The following OSMR variants were observed in gnomAD, a reference collection of about 807,000 sequenced individuals.
The protein encoded by OSMR is oncostatin M receptor.
Under a neutral mutation model 99.9 loss-of-function variants are expected in OSMR, and 81 were observed. The ratio of observed to expected loss-of-function variants is 0.81; its 90% CI spans 0.68 to 0.97. OSMR has a LOEUF of 0.97. Among genes scored for constraint, OSMR ranks in the 50% least tolerant of loss-of-function variants. The probability of loss-of-function intolerance (pLI) is 0.00; values close to 1 mark genes in which losing one functional copy is unlikely to be tolerated. For missense variants in OSMR, 1,099 were observed against 1,153.4 expected (o/e 0.95, Z 0.68); for synonymous variants, 406 against 410.4 (o/e 0.99, Z 0.13).
chr5:38,865,413 T>C (rs527557749), intron 1 of OSMR, among the ~76,000 whole-genome samples: 1 of 152,386 alleles, frequency 6.6e-6, no homozygotes, highest in Admixed American at 6.5e-5. Flanking sequence ...TTCCTATAGC[T>C]GTATCAATAG....
chr5:38,921,600 T>C lies in OSMR; in HGVS notation c.1586-15T>C. 6.2e-7 allele frequency: 1 copy of C among 1,614,092 alleles called. No individual in the cohort carries two copies. The highest frequency in any genetic ancestry group is 2.2e-5 in the East Asian group (1 of 44,880). ...TAATTAAATCTGGAGCATTGCTCTA[T>C]TTGTTTATATACAGAAGAGGTTGAG... On this transcript the variant is annotated splice_polypyrimidine_tract_variant and intron_variant, in intron 11 of 17. Transcript: ENST00000274276.
intron 1 of OSMR, among the ~76,000 whole-genome samples, chr5:38,848,218 G>A (rs528727700): frequency 1.3e-5 from 2 of 152,232 alleles, no homozygotes; most frequent in South Asian, 2.1e-4. Flanking sequence ...CCCTCCTTTC[G>A]CTGGGGGAGA....
Position 38,885,430 on chromosome 5 carries a change from A to G in OSMR, c.785A>G (p.Asp262Gly). ...TLHCTWDPGT[D>G]TALGWSKQPS... ...CACTGTACTTGGGATCCTGGGACGG[A>G]CACTGCCTTGGGGTGGTCTAAACAA... is the stretch of plus-strand genomic sequence containing the variant. The change falls in exon 6 of 18, where the codon GAC (aspartate) becomes GGC (glycine). Residue 262 changes from aspartate to glycine, a missense_variant. By Grantham distance (94) the Asp-to-Gly change is moderately conservative. Transcript: ENST00000274276. 6.2e-7 allele frequency: 1 copy of G among 1,614,044 alleles called. No individual in the cohort carries two copies. Among genetic ancestry groups the G allele is most frequent in the Non-Finnish European group, 8.5e-7 (1 of 1,179,890 alleles).
chr5:38,920,311 C>A (rs1220941459), intron 11 of OSMR, among the ~76,000 whole-genome samples: 1 of 152,182 alleles, frequency 6.6e-6, no homozygotes, highest in African/African-American at 2.4e-5. Context: ...TAAGGTTAAG[C>A]CAGTTCACAC....
intron 15 of OSMR, among the ~76,000 whole-genome samples, chr5:38,928,620 A>G (rs140138677): frequency 0.038 from 5,768 of 152,160 alleles, 167 homozygotes; most frequent in South Asian, 0.055. Flanking sequence ...GCCTCCCACC[A>G]GGTCCCTCCC....
chr5:38,924,277 T>G, intron 13 of OSMR, 145 bp from the exon 14 acceptor site: 1 of 1,508,034 alleles, frequency 6.6e-7, no homozygotes, highest in Non-Finnish European at 8.9e-7. Flanking sequence ...GCACAAATCC[T>G]CTAGAGAAAC....
At chr5:38,880,220 C>T (rs1285195019) in intron 3 of OSMR, among the ~76,000 whole-genome samples, 4 of 152,138 alleles carry the variant, frequency 2.6e-5, no homozygotes, top group African/African-American at 9.7e-5. Flanking sequence ...AGAAGGCATC[C>T]GAGTTGCTAA....
intron 1 of OSMR, chr5:38,940,972 G>A (rs1579842045): frequency 1.3e-5 from 3 of 232,398 alleles, no homozygotes; most frequent in Admixed American, 1.1e-4. Flanking sequence ...CAGTCCAGCT[G>A]GATTTTCTAT....
chr5:38,904,351 A>T lies in OSMR; in HGVS notation c.1135-2A>T. On this transcript the variant is annotated splice_acceptor_variant, in intron 8 of 17. Transcript: ENST00000274276. LOFTEE classifies it high-confidence loss of function. Reference sequence around the variant, plus strand: ...CTTTTCTTCTCTTTTTTGATCAAGCAGTACAATGTTTCCATCAAGGTGAAC... The same window carrying T: ...CTTTTCTTCTCTTTTTTGATCAAGCTGTACAATGTTTCCATCAAGGTGAAC... 1 of 1,613,814 alleles carries T rather than the reference A, an allele frequency of 6.2e-7. No homozygotes were observed. The highest frequency in any genetic ancestry group is 8.5e-7 in the Non-Finnish European group (1 of 1,179,834).
chr5:38,913,603 A>G (rs1745732082), intron 9 of OSMR, among the ~76,000 whole-genome samples: 2 of 152,118 alleles, frequency 1.3e-5, no homozygotes, highest in Admixed American at 1.3e-4. Flanking sequence ...CTGAAGACAT[A>G]CAAGCAGCCA....
At chr5:38,863,192 A>ACAGGGG (rs1741641354) in intron 1 of OSMR, among the ~76,000 whole-genome samples, 1 of 7,730 alleles carries the variant, frequency 1.3e-4, no homozygotes, top group African/African-American at 4.9e-4. Context: ...AGGGAGAGGG[A>ACAGGGG]GAGGGGGAGG....
chr5:38,910,767 T>A (rs1247150192), intron 9 of OSMR, among the ~76,000 whole-genome samples: 1 of 152,182 alleles, frequency 6.6e-6, no homozygotes, highest in Non-Finnish European at 1.5e-5. Context: ...TCCCAGCACT[T>A]TGGGAGGCCA....
chr5:38,852,876 G>A lies in OSMR; in HGVS notation c.-14+6489G>A, dbSNP rs562223003. Among the ~76,000 whole-genome samples the A allele has an allele frequency of 1.3e-3, 201 of 151,454 alleles. 3 individuals carry two copies. The highest frequency in any genetic ancestry group is 4.3e-3 in the African/African-American group (177 of 41,268). ...CTCCCGAGTAGCTGGGATTACAGGC[G>A]CCCACCACCACGCCCGGCTAATTTT... On this transcript the variant is annotated intron_variant, in intron 1 of 17. Coordinates refer to ENST00000274276, the MANE Select transcript of OSMR (RefSeq NM_003999.3).
chr5:38,863,312 G>A (rs919294124), intron 1 of OSMR, among the ~76,000 whole-genome samples: 3 of 150,388 alleles, frequency 2.0e-5, no homozygotes, highest in Admixed American at 1.3e-4. Flanking sequence ...AGGCTGAGGC[G>A]GGCAGTTCAT....
At chr5:38,885,111 TG>T in intron 5 of OSMR, 1 of 837,334 alleles carries the variant, frequency 1.2e-6, no homozygotes, top group South Asian at 5.4e-5. Flanking sequence ...TTGCATAACA[TG>T]GACCATCCAT....
Position 38,904,346 on chromosome 5 carries a change from C to G in OSMR, c.1135-7C>G. On this transcript the variant is annotated splice_polypyrimidine_tract_variant and splice_region_variant and intron_variant, in intron 8 of 17. Coordinates refer to ENST00000274276, the MANE Select transcript of OSMR (RefSeq NM_003999.3). ...TTTTTCTTTTCTTCTCTTTTTTGAT[C>G]AAGCAGTACAATGTTTCCATCAAGG... 6.2e-7 allele frequency: 1 copy of G among 1,613,448 alleles called. No homozygotes were observed. The highest frequency in any genetic ancestry group is 1.3e-5 in the African/African-American group (1 of 74,966).
chr5:38,907,343 A>T (rs1332205954), intron 9 of OSMR, among the ~76,000 whole-genome samples: 1 of 152,200 alleles, frequency 6.6e-6, no homozygotes, highest in Non-Finnish European at 1.5e-5. Context: ...GGACAATTGG[A>T]CTGGCAGGAA....
intron 1 of OSMR, chr5:38,942,997 G>A (rs757704270): frequency 3.2e-6 from 5 of 1,544,764 alleles, no homozygotes; most frequent in Non-Finnish European, 4.5e-6. Context: ...ATGGTGTGAT[G>A]AAAACTGTAA....
chr5:38,921,849 A>G, intron 12 of OSMR, 55 bp downstream of exon 12: 1 of 1,476,222 alleles, frequency 6.8e-7, no homozygotes, highest in South Asian at 1.1e-5. Flanking sequence ...AAGAAAGTTC[A>G]AGTGGGATTT....
Sources: allele counts gnomAD v4.1 joint callset (sites outside exome capture counted in the v4.1 genomes callset), GRCh38; gene constraint gnomAD v4.1.1; transcripts MANE v1.5; gene names NCBI Gene and HGNC (gene_info 2026-07-23, HGNC 2026-07-21).